The following ARHGAP26 variants were observed in gnomAD, a reference collection of about 807,000 sequenced individuals.
The protein encoded by ARHGAP26 is rho GTPase-activating protein 26.
Under a neutral mutation model 104.8 loss-of-function variants are expected in ARHGAP26, and 38 were observed. That is an observed-to-expected ratio of 0.36 (90% confidence interval 0.28 to 0.48). The LOEUF (loss-of-function observed/expected upper bound fraction) is 0.48. ARHGAP26 is among the 20% of genes least tolerant of loss of function. The probability of loss-of-function intolerance (pLI) is 0.99; values close to 1 mark genes in which losing one functional copy is unlikely to be tolerated. For synonymous variants in ARHGAP26, 341 were observed against 340.0 expected (o/e 1.00, Z -0.03); for missense variants, 704 against 947.9 (o/e 0.74, Z 3.38).
At chr5:143,041,452 C>T (rs1783454563) in intron 13 of ARHGAP26, 2 of 174,816 alleles carry the variant, frequency 1.1e-5, no homozygotes, top group South Asian at 4.0e-4. Context: ...TTTTTAATGT[C>T]ATTTTTGGCA....
At chr5:142,845,447 G>A (rs1338704003) in intron 1 of ARHGAP26, among the ~76,000 whole-genome samples, 1 of 152,214 alleles carries the variant, frequency 6.6e-6, no homozygotes, top group African/African-American at 2.4e-5. Flanking sequence ...GTGCCATGCA[G>A]TTCCCCTAGA....
intron 11 of ARHGAP26, among the ~76,000 whole-genome samples, chr5:142,947,912 C>T (rs938669253): frequency 2.0e-5 from 3 of 151,998 alleles, no homozygotes; most frequent in African/African-American, 4.8e-5. Flanking sequence ...CCCAGCTGCT[C>T]GGGAGTGTGA....
intron 11 of ARHGAP26, among the ~76,000 whole-genome samples, chr5:142,955,124 ACCCCC>A (rs869285548): frequency 1.3e-5 from 2 of 149,134 alleles, no homozygotes; most frequent in East Asian, 2.0e-4. Flanking sequence ...ACACACACAC[ACCCCC>A]CATCTCTGCA....
At chr5:142,857,993 A>T (rs183667838) in intron 1 of ARHGAP26, among the ~76,000 whole-genome samples, 1 of 151,976 alleles carries the variant, frequency 6.6e-6, no homozygotes, top group Non-Finnish European at 1.5e-5. Flanking sequence ...TCAAAAGCCA[A>T]ATCAAGAAAC....
intron 11 of ARHGAP26, among the ~76,000 whole-genome samples, chr5:142,954,061 C>T (rs199532459): frequency 6.6e-5 from 10 of 152,286 alleles, no homozygotes; most frequent in African/African-American, 2.2e-4. Flanking sequence ...TGAGCAAAGG[C>T]GTTTTTAAGC....
chr5:143,021,374 G>T (rs548645679), intron 12 of ARHGAP26, among the ~76,000 whole-genome samples: 1 of 152,172 alleles, frequency 6.6e-6, no homozygotes, highest in Non-Finnish European at 1.5e-5. Flanking sequence ...ATTTATCATT[G>T]TTAGACTAAT....
chr5:143,105,081 A>C (rs1285393613), intron 17 of ARHGAP26, among the ~76,000 whole-genome samples: 1 of 152,240 alleles, frequency 6.6e-6, no homozygotes, highest in Non-Finnish European at 1.5e-5. Flanking sequence ...GCTATTTAAA[A>C]ATAGGCCTAA....
At chr5:142,945,139 G>C (rs538832276) in intron 11 of ARHGAP26, among the ~76,000 whole-genome samples, 3 of 152,028 alleles carry the variant, frequency 2.0e-5, no homozygotes, top group Non-Finnish European at 4.4e-5. Flanking sequence ...TCTAACTCCC[G>C]AGTAGAAAGT....
intron 21 of ARHGAP26, 190 bp downstream of exon 21, chr5:143,207,498 C>T (rs1808753242): frequency 6.2e-7 from 1 of 1,612,440 alleles, no homozygotes; most frequent in Non-Finnish European, 8.5e-7. Context: ...GATGACCAAT[C>T]TGTTCCCGTT....
At chr5:143,091,939 A>G (rs1284730483) in intron 17 of ARHGAP26, among the ~76,000 whole-genome samples, 1 of 152,200 alleles carries the variant, frequency 6.6e-6, no homozygotes, top group Non-Finnish European at 1.5e-5. Context: ...CCACATTCTT[A>G]TGCCTCCTTA....
chr5:142,924,107 C>T (rs1342350729), intron 10 of ARHGAP26, among the ~76,000 whole-genome samples: 2 of 152,014 alleles, frequency 1.3e-5, no homozygotes, highest in African/African-American at 4.8e-5. Context: ...CGCGATCCAC[C>T]CGCCTCGGCA....
rs56962078 is a variant in ARHGAP26, at chr5:142,928,219, T to G, written c.1029-3828T>G. Among the ~76,000 whole-genome samples the G allele has an allele frequency of 3.8e-3, 560 of 147,516 alleles. 12 individuals are homozygous for G. The highest frequency in any genetic ancestry group is 0.028 in the Admixed American group (413 of 14,956). On this transcript the variant is annotated intron_variant, in intron 10 of 22. Transcript: ENST00000645722. ...ATTTTTTCTTTATGATTAGGACTTTTTGTGTGTGTGTGTTTTTTTTTTTTT... is the reference window on the plus strand; with the variant it reads ...ATTTTTTCTTTATGATTAGGACTTTGTGTGTGTGTGTGTTTTTTTTTTTTT...
At chr5:142,999,861 C>T (rs1776949440) in intron 11 of ARHGAP26, among the ~76,000 whole-genome samples, 1 of 152,040 alleles carries the variant, frequency 6.6e-6, no homozygotes, top group African/African-American at 2.4e-5. Context: ...AGGACATATT[C>T]GCAAACCATA....
intron 17 of ARHGAP26, among the ~76,000 whole-genome samples, chr5:143,073,494 G>A (rs1388010199): frequency 6.6e-6 from 1 of 152,142 alleles, no homozygotes; most frequent in Non-Finnish European, 1.5e-5. Context: ...AATTGCTATG[G>A]AAAAGGCACT....
At chr5:142,777,597 CA>C (rs1186624194) in intron 1 of ARHGAP26, among the ~76,000 whole-genome samples, 1 of 152,172 alleles carries the variant, frequency 6.6e-6, no homozygotes, top group Non-Finnish European at 1.5e-5. Flanking sequence ...CCTTCTGTTT[CA>C]AATTATATAT....
chr5:143,057,993 G>T (rs547361318), intron 17 of ARHGAP26: 3 of 648,098 alleles, frequency 4.6e-6, no homozygotes, highest in South Asian at 4.5e-5. Context: ...GTTTTCAGGG[G>T]GATTTTACCT....
chr5:143,018,621 G>A (rs990661253), intron 12 of ARHGAP26, among the ~76,000 whole-genome samples: 2 of 152,156 alleles, frequency 1.3e-5, no homozygotes, highest in African/African-American at 4.8e-5. Context: ...TTGATTTGTA[G>A]TGCCAGTGTT....
intron 17 of ARHGAP26, among the ~76,000 whole-genome samples, chr5:143,080,830 C>T (rs1321441257): frequency 1.3e-5 from 2 of 152,184 alleles, no homozygotes; most frequent in Non-Finnish European, 1.5e-5. Flanking sequence ...TGCTCTATGG[C>T]AAATGAGCTG....
At chr5:143,154,182 G>T (rs550691056) in intron 20 of ARHGAP26, among the ~76,000 whole-genome samples, 1 of 134,248 alleles carries the variant, frequency 7.4e-6, no homozygotes, top group Admixed American at 7.4e-5. Flanking sequence ...AAGAGTTTCT[G>T]CTTTCATGGA....
Sources: gnomAD v4.1 joint callset for allele counts (sites outside exome capture counted in the v4.1 genomes callset) on GRCh38, gnomAD v4.1.1 for gene constraint, MANE v1.5 for transcripts, NCBI Gene and HGNC (gene_info 2026-07-23, HGNC 2026-07-21) for gene names.